TRAPPC9: variants seen among roughly 807,000 people sequenced by gnomAD.
TRAPPC9 encodes the protein trafficking protein particle complex subunit 9, also known as IKK2 binding protein.
TRAPPC9 carries 83 observed loss-of-function variants against 124.0 expected under a neutral mutation model. The ratio of observed to expected loss-of-function variants is 0.67; its 90% CI spans 0.56 to 0.80. The LOEUF is 0.80. Ranked by LOEUF, TRAPPC9 falls within the 30% of genes least tolerant of loss-of-function variation. The pLI is 0.00. For missense variants in TRAPPC9, 1,302 were observed against 1,508.3 expected (o/e 0.86, Z 2.27); for synonymous variants, 638 against 617.5 (o/e 1.03, Z -0.49).
At chr8:140,441,201 G>C (rs1439134819) in intron 2 of TRAPPC9, among the ~76,000 whole-genome samples, 3 of 151,136 alleles carry the variant, frequency 2.0e-5, no homozygotes, top group African/African-American at 7.3e-5. Context: ...AGCTGGTCTC[G>C]AACTCCTGGG....
intron 10 of TRAPPC9, among the ~76,000 whole-genome samples, chr8:140,302,140 T>G (rs1221739917): frequency 6.6e-6 from 1 of 152,184 alleles, no homozygotes; most frequent in African/African-American, 2.4e-5. Flanking sequence ...GTGCAAAGCA[T>G]GCCTACAGCA....
chr8:140,245,881 G>A (rs1453946438), intron 16 of TRAPPC9, among the ~76,000 whole-genome samples: 1 of 152,146 alleles, frequency 6.6e-6, no homozygotes, highest in Non-Finnish European at 1.5e-5. Flanking sequence ...TTATGTGGAT[G>A]CTTACTGTCT....
Position 140,424,230 on chromosome 8 carries a change from GAAGA to G in TRAPPC9, c.886+2381_886+2384del, listed in dbSNP as rs1313902725. Among the ~76,000 whole-genome samples the G allele has an allele frequency of 6.6e-5, 10 of 151,880 alleles. No homozygotes were observed. In the South Asian group the frequency reaches 8.3e-4, roughly 13 times the overall value. On this transcript the variant is annotated intron_variant, in intron 5 of 22. Coordinates refer to ENST00000438773, the MANE Select transcript of TRAPPC9 (RefSeq NM_001160372.4). Reference sequence around the variant, plus strand: ...AAACTGCTCATTTTTATTACAGGAAGAAGAAACTCTCCTCCACATGAAAACGGAA... The same window carrying G: ...AAACTGCTCATTTTTATTACAGGAAGAACTCTCCTCCACATGAAAACGGAA...
Position 140,037,879 on chromosome 8 carries a change from AACACAC to A in TRAPPC9, c.2557-13806_2557-13801del, listed in dbSNP as rs10560088. Among the ~76,000 whole-genome samples the A allele has an allele frequency of 1.3e-3, 122 of 90,648 alleles. 2 individuals carry two copies. Among genetic ancestry groups the A allele is most frequent in the African/African-American group, 2.8e-3 (84 of 30,150 alleles). 59.5% of individuals were successfully genotyped at this position (90,648 alleles called of 152,430 possible). ...ACACACATACCCAACACACACCTCC[AACACAC>A]ACACACACACACACACACACACACA... On this transcript the variant is annotated intron_variant, in intron 17 of 22. Coordinates refer to ENST00000438773, the MANE Select transcript of TRAPPC9 (RefSeq NM_001160372.4).
intron 8 of TRAPPC9, among the ~76,000 whole-genome samples, chr8:140,366,801 G>T (rs978932583): frequency 2.0e-5 from 3 of 152,124 alleles, no homozygotes; most frequent in Non-Finnish European, 2.9e-5. Flanking sequence ...GACACAGACT[G>T]GGAAGAAATA....
rs1349235773 is a variant in TRAPPC9, at chr8:140,104,656, G to A, written c.2557-80577C>T. Reference sequence around the variant, plus strand: ...CGGCAGGAATGCTGCGTCACACACAGGTGCTGTAAAAAGCTACGACACACA... The same window carrying A: ...CGGCAGGAATGCTGCGTCACACACAAGTGCTGTAAAAAGCTACGACACACA... On this transcript the variant is annotated intron_variant, in intron 17 of 22. Coordinates refer to ENST00000438773, the MANE Select transcript of TRAPPC9 (RefSeq NM_001160372.4). The surrounding 1 kb of genome is among the most constrained non-coding windows in gnomAD (Gnocchi z 4.0). Among the ~76,000 whole-genome samples the A allele has an allele frequency of 6.6e-6, 1 of 152,136 alleles. No homozygotes were observed. Among genetic ancestry groups the A allele is most frequent in the Non-Finnish European group, 1.5e-5 (1 of 68,036 alleles).
At chr8:140,443,567 C>G (rs927088067) in intron 2 of TRAPPC9, among the ~76,000 whole-genome samples, 1 of 151,906 alleles carries the variant, frequency 6.6e-6, no homozygotes, top group African/African-American at 2.4e-5. Context: ...CTAAAAGGTG[C>G]CCACATGGTA....
chr8:140,252,796 G>A lies in TRAPPC9; in HGVS notation c.2412C>T (p.Leu804=), dbSNP rs142395999. ...GCTTACCATCACTGAGATCCTGCAG[G>A]AGATTCTCCTGGCAGGAGAAATCCA... ...VKLDFSCQEN[L]LQDLSDDGIS... The change falls in exon 16 of 23, where the codon CTC becomes CTT. Residue 804 remains leucine, a synonymous_variant. Transcript: ENST00000438773. This position sits in a 1 kb window ranked among gnomAD's most constrained non-coding sequence, Gnocchi z 4.2. 6.2e-6 allele frequency: 10 copies of A among 1,613,872 alleles called. No homozygotes were observed. Among genetic ancestry groups the A allele is most frequent in the Non-Finnish European group, 8.5e-6 (10 of 1,179,992 alleles).
intron 7 of TRAPPC9, among the ~76,000 whole-genome samples, chr8:140,373,870 C>T (rs921619917): frequency 3.4e-4 from 51 of 152,224 alleles, no homozygotes; most frequent in Admixed American, 2.5e-3. Context: ...AAAATTAGAT[C>T]GTTTGTTTTA....
At chr8:140,455,598 T>C (rs1024234746) in intron 1 of TRAPPC9, among the ~76,000 whole-genome samples, 4 of 151,904 alleles carry the variant, frequency 2.6e-5, no homozygotes, top group Non-Finnish European at 5.9e-5. Flanking sequence ...GCCCAGCTAA[T>C]TTTTGTATTT....
intron 21 of TRAPPC9, among the ~76,000 whole-genome samples, chr8:139,838,674 A>C (rs900000804): frequency 6.6e-6 from 1 of 152,180 alleles, no homozygotes; most frequent in Admixed American, 6.5e-5. Flanking sequence ...GTGGGTGGCA[A>C]GGTTACCGAG....
chr8:140,223,228 T>G (rs1436768395), intron 16 of TRAPPC9, among the ~76,000 whole-genome samples: 1 of 152,176 alleles, frequency 6.6e-6, no homozygotes, highest in Non-Finnish European at 1.5e-5. Flanking sequence ...TGTCCATGTG[T>G]TCTCATTGTT....
intron 5 of TRAPPC9, among the ~76,000 whole-genome samples, chr8:140,415,222 G>A (rs1421879401): frequency 6.7e-6 from 1 of 150,276 alleles, no homozygotes; most frequent in African/African-American, 2.5e-5. Context: ...ATAAGAAGAA[G>A]AAAATAAAAA....
intron 14 of TRAPPC9, among the ~76,000 whole-genome samples, chr8:140,282,189 A>T (rs921383390): frequency 1.3e-5 from 2 of 152,174 alleles, no homozygotes; most frequent in Admixed American, 6.5e-5. Context: ...ATATCCATTA[A>T]GTGTTATTCG....
chr8:140,391,970 G>T (rs1479049126), intron 7 of TRAPPC9, among the ~76,000 whole-genome samples: 1 of 151,768 alleles, frequency 6.6e-6, no homozygotes, highest in Admixed American at 6.6e-5. Context: ...AAGTTGCAGT[G>T]AGCTGAGATC....
chr8:140,449,079 C>T (rs987339169), intron 2 of TRAPPC9, among the ~76,000 whole-genome samples: 1 of 152,190 alleles, frequency 6.6e-6, no homozygotes, highest in African/African-American at 2.4e-5. Flanking sequence ...CAGGCAGGTG[C>T]GACTGAGGCT....
rs535678675 is a variant in TRAPPC9 at position 139,825,548 on chromosome 8, T to C, written c.3055+60331A>G. Among the ~76,000 whole-genome samples, 12 of 152,300 alleles carry C rather than the reference T, an allele frequency of 7.9e-5. No individual in the cohort carries two copies. The East Asian group carries it at 2.1e-3, about 27-fold the overall frequency. On this transcript the variant is annotated intron_variant, in intron 21 of 22. Coordinates refer to ENST00000438773, the MANE Select transcript of TRAPPC9 (RefSeq NM_001160372.4). This position sits in a 1 kb window ranked among gnomAD's most constrained non-coding sequence, Gnocchi z 4.6. ...TCTCCACTCAGAGAATCTCTGCCCT[T>C]AATCCCTTTGGGATCAATTAATGTT...
At chr8:139,882,422 TGAA>T (rs1181231535) in intron 21 of TRAPPC9, among the ~76,000 whole-genome samples, 1 of 152,150 alleles carries the variant, frequency 6.6e-6, no homozygotes, top group African/African-American at 2.4e-5. Flanking sequence ...TGAAGCACCA[TGAA>T]GAAGGCCTTT....
At chr8:139,906,762 C>T (rs1204096806) in intron 20 of TRAPPC9, among the ~76,000 whole-genome samples, 5 of 152,170 alleles carry the variant, frequency 3.3e-5, no homozygotes, top group Admixed American at 1.3e-4. Flanking sequence ...CAGGCCCTCA[C>T]GGTCCCTGAC....
Sources: allele counts gnomAD v4.1 joint callset (sites outside exome capture counted in the v4.1 genomes callset), GRCh38; gene constraint gnomAD v4.1.1; non-coding constraint Gnocchi (gnomAD v3.1); transcripts MANE v1.5; gene names NCBI Gene and HGNC (gene_info 2026-07-23, HGNC 2026-07-21).